The following TFG variants were observed in gnomAD, a reference collection of about 807,000 sequenced individuals.
TFG encodes the protein protein TFG.
TFG carries 22 observed loss-of-function variants against 51.4 expected under a neutral mutation model. The observed-to-expected ratio is 0.43, with a 90% CI of 0.31 to 0.61. TFG has a LOEUF of 0.61. Among genes scored for constraint, TFG ranks in the 20% least tolerant of loss-of-function variants. TFG has a pLI of 0.12. For synonymous variants in TFG, 187 were observed against 165.6 expected (o/e 1.13, Z -0.99); for missense variants, 419 against 487.7 (o/e 0.86, Z 1.33).
chr3:100,742,053 A>G (rs2095122672), intron 6 of TFG, among the ~76,000 whole-genome samples: 1 of 152,184 alleles, frequency 6.6e-6, no homozygotes, highest in African/African-American at 2.4e-5. Flanking sequence ...CAATGTCTGC[A>G]TTTTGCTCTC....
intron 3 of TFG, among the ~76,000 whole-genome samples, chr3:100,722,322 T>C (rs907039184): frequency 1.3e-5 from 2 of 152,074 alleles, no homozygotes; most frequent in African/African-American, 4.8e-5. Flanking sequence ...AAAAAGAGAA[T>C]TAGTGAACTG....
chr3:100,721,426 CAGT>C (rs2095060476), intron 3 of TFG, among the ~76,000 whole-genome samples: 1 of 152,106 alleles, frequency 6.6e-6, no homozygotes. Flanking sequence ...CCTAGTCCCT[CAGT>C]AGGCCATGCT....
At chr3:100,720,373 T>G (rs577351174) in intron 3 of TFG, among the ~76,000 whole-genome samples, 1 of 152,378 alleles carries the variant, frequency 6.6e-6, no homozygotes, top group South Asian at 2.1e-4. Flanking sequence ...TGTAATTATC[T>G]TCCTTCACAT....
At chr3:100,723,296 G>T (rs2095065806) in intron 3 of TFG, among the ~76,000 whole-genome samples, 1 of 151,886 alleles carries the variant, frequency 6.6e-6, no homozygotes, top group South Asian at 2.1e-4. Context: ...AGTTATAATT[G>T]AAAAATTAGA....
Position 100,720,037 on chromosome 3 carries a change from A to G in TFG, c.247A>G (p.Ile83Val), listed in dbSNP as rs1423831459. 2.6e-6 allele frequency: 4 copies of G among 1,567,986 alleles called. No individual in the cohort carries two copies. The highest frequency in any genetic ancestry group is 3.8e-5 in the Admixed American group (2 of 52,758). The part of the protein sequence containing the change: ...DLSFAIQCSR[I>V]LKLTLFVNGQ... ...TTCCTTTGCAATTCAGTGCAGTAGG[A>G]TACTGAAACTGACATTATTTGGTGA... Residue 83 changes from isoleucine to valine, a missense_variant, in exon 3 of 8, where the codon ATA becomes GTA. Ile to Val is a conservative substitution (Grantham distance 29, BLOSUM62 3). Transcript: ENST00000240851.
At chr3:100,713,990 T>A in intron 2 of TFG, 121 bp downstream of exon 2, 2 of 538,678 alleles carry the variant, frequency 3.7e-6, no homozygotes, top group Non-Finnish European at 5.8e-6. Context: ...CACCTCAAAC[T>A]CCTGGGCTCA....
chr3:100,736,838 C>A, intron 6 of TFG, 122 bp downstream of exon 6: 1 of 1,096,762 alleles, frequency 9.1e-7, no homozygotes, highest in Non-Finnish European at 1.3e-6. Context: ...TTTTGATTTA[C>A]TGACATGATT....
intron 2 of TFG, among the ~76,000 whole-genome samples, chr3:100,718,656 C>G (rs2095052973): frequency 7.2e-6 from 1 of 138,920 alleles, no homozygotes; most frequent in Admixed American, 8.0e-5. Context: ...ATCCCAGGTT[C>G]AAGTGATTCT....
In TFG at chr3:100,711,816, A is replaced by AT. The variant is rs1419463691; in HGVS notation, c.-43-1826dup. ...AGGCTGCCAGAGCAAGCAAGATGGA[A>AT]TATTTACCATCTTGGTGAAGTAATT... On this transcript the variant is annotated intron_variant, in intron 1 of 7. Coordinates refer to ENST00000240851, the MANE Select transcript of TFG (RefSeq NM_006070.6). 6.7e-3 allele frequency among the ~76,000 whole-genome samples: 1,013 copies of AT among 152,322 alleles called. 10 individuals carry two copies. Among genetic ancestry groups the AT allele is most frequent in the African/African-American group, 0.022 (918 of 41,572 alleles).
chr3:100,733,967 GT>G (rs1250731455), intron 5 of TFG, among the ~76,000 whole-genome samples: 1 of 152,098 alleles, frequency 6.6e-6, no homozygotes, highest in Non-Finnish European at 1.5e-5. Flanking sequence ...AATAATTATT[GT>G]TGGCTACAAA....
intron 5 of TFG, among the ~76,000 whole-genome samples, chr3:100,735,079 T>G (rs759009062): frequency 2.6e-5 from 4 of 152,184 alleles, no homozygotes; most frequent in Non-Finnish European, 5.9e-5. Context: ...TATATATATT[T>G]AGGCTAATAA....
intron 5 of TFG, among the ~76,000 whole-genome samples, chr3:100,732,888 T>G: frequency 6.6e-6 from 1 of 152,228 alleles, no homozygotes; most frequent in Non-Finnish European, 1.5e-5. Context: ...AGCTTTCTTA[T>G]GTCCTCTCCC....
At chr3:100,718,737 T>C (rs930824655) in intron 2 of TFG, among the ~76,000 whole-genome samples, 5 of 152,150 alleles carry the variant, frequency 3.3e-5, no homozygotes, top group South Asian at 4.2e-4. Flanking sequence ...TTTGTATTTT[T>C]AGTAGAGACG....
At chr3:100,721,646 G>A (rs1395645269) in intron 3 of TFG, among the ~76,000 whole-genome samples, 1 of 152,102 alleles carries the variant, frequency 6.6e-6, no homozygotes, top group Non-Finnish European at 1.5e-5. Context: ...AAAAATCTCA[G>A]AAGAAAGGCC....
chr3:100,726,361 GGTCTTCCTCT>G (rs1352415383), intron 3 of TFG, among the ~76,000 whole-genome samples: 1 of 152,130 alleles, frequency 6.6e-6, no homozygotes, highest in Non-Finnish European at 1.5e-5. Flanking sequence ...ACTGAAGATG[GGTCTTCCTCT>G]TCTGGTTCAC....
intron 5 of TFG, among the ~76,000 whole-genome samples, chr3:100,734,828 A>G (rs928806857): frequency 6.6e-6 from 1 of 152,204 alleles, no homozygotes; most frequent in African/African-American, 2.4e-5. Context: ...TAATATTAAT[A>G]TGATTCACAT....
chr3:100,719,794 T>G (rs778101625), intron 2 of TFG, among the ~76,000 whole-genome samples, 181 bp from the exon 3 acceptor site: 2 of 152,206 alleles, frequency 1.3e-5, no homozygotes, highest in African/African-American at 4.8e-5. Context: ...CAAAATTGAT[T>G]TAGTATATTT....
chr3:100,730,036 C>T (rs185078148), intron 4 of TFG, among the ~76,000 whole-genome samples: 1 of 152,036 alleles, frequency 6.6e-6, no homozygotes, highest in East Asian at 1.9e-4. Flanking sequence ...TATTCTGAGC[C>T]CTACCTCTCC....
chr3:100,725,536 T>A (rs1310580711), intron 3 of TFG, among the ~76,000 whole-genome samples: 1 of 147,612 alleles, frequency 6.8e-6, no homozygotes, highest in Non-Finnish European at 1.5e-5. Context: ...CCCAGCACTT[T>A]GGGAGGCCGA....
Sources: gnomAD v4.1 joint callset for allele counts (sites outside exome capture counted in the v4.1 genomes callset) on GRCh38, gnomAD v4.1.1 for gene constraint, MANE v1.5 for transcripts, NCBI Gene and HGNC (gene_info 2026-07-23, HGNC 2026-07-21) for gene names.